Variants in DLGAP2 observed in about 807,000 individuals in gnomAD.
DLGAP2 encodes disks large-associated protein 2.
In DLGAP2, 26 loss-of-function variants were observed where a neutral mutation model predicts 100.3. The observed-to-expected ratio is 0.26, with a 90% CI of 0.19 to 0.36. The LOEUF (loss-of-function observed/expected upper bound fraction) is 0.36, where lower values mean the gene tolerates loss of function less well. Ranked by LOEUF, DLGAP2 falls within the 10% of genes least tolerant of loss-of-function variation. The pLI is 1.00. For missense variants in DLGAP2, 1,858 were observed against 1,453.2 expected (o/e 1.28, Z -4.53); for synonymous variants, 886 against 630.1 (o/e 1.41, Z -6.08).
chr8:1,066,804 C>T (rs1307604782), intron 2 of DLGAP2, among the ~76,000 whole-genome samples: 2 of 152,228 alleles, frequency 1.3e-5, no homozygotes, highest in African/African-American at 2.4e-5. Flanking sequence ...GCTTGTAGGG[C>T]AGGTCTTCAT....
intron 13 of DLGAP2, among the ~76,000 whole-genome samples, chr8:1,694,580 C>T (rs1467462152): frequency 6.6e-6 from 1 of 152,106 alleles, no homozygotes; most frequent in East Asian, 1.9e-4. Flanking sequence ...CTTGTGGGAC[C>T]AGCAGTTTGG....
chr8:1,345,200 G>A (rs1382587477), intron 3 of DLGAP2, among the ~76,000 whole-genome samples: 1 of 62,868 alleles, frequency 1.6e-5, no homozygotes, highest in Non-Finnish European at 3.9e-5. Flanking sequence ...GTAGAGTTCT[G>A]AGGAGCACTA....
At chr8:1,046,961 G>GA (rs1246933730) in intron 2 of DLGAP2, among the ~76,000 whole-genome samples, 36 of 35,944 alleles carry the variant, frequency 1.0e-3, no homozygotes, top group Non-Finnish European at 9.7e-4. Context: ...TAAAATAATA[G>GA]GTTTTTTTTA....
At chr8:1,470,899 C>G (rs367601748) in intron 3 of DLGAP2, among the ~76,000 whole-genome samples, 92 of 8,450 alleles carry the variant, frequency 0.011, 21 homozygotes, top group Admixed American at 0.028. Context: ...ACCCCTCCAG[C>G]CTTTCCCGAC....
At chr8:1,428,228 C>G (rs991140265) in intron 3 of DLGAP2, among the ~76,000 whole-genome samples, 6 of 151,622 alleles carry the variant, frequency 4.0e-5, no homozygotes, top group African/African-American at 1.2e-4. Context: ...AAATTTAAAG[C>G]CTATTAGAAA....
In DLGAP2 at chr8:1,445,733, A is replaced by G. The variant is rs1334470511; in HGVS notation, c.107-55633A>G. On this transcript the variant is annotated intron_variant, in intron 3 of 14. Coordinates refer to ENST00000637795, the MANE Select transcript of DLGAP2 (RefSeq NM_001346810.2). ...AGTGTAAAAGTGTTCCTATTTCTCC[A>G]CATCCTCTCCAGCACCTGTTGTTTC... Among the ~76,000 whole-genome samples, 4 of 152,166 alleles carry G rather than the reference A, an allele frequency of 2.6e-5. No homozygotes were observed. In the East Asian group the frequency reaches 7.7e-4, roughly 29 times the overall value.
In DLGAP2 at chr8:1,651,010, A is replaced by G. The variant is rs191084247; in HGVS notation, c.1811-17319A>G. ...TGTCTGCCTCCAGCATCTACCACCAAGAAAACCCCTGCTCAGCGGAATTTT... is the reference window on the plus strand; with the variant it reads ...TGTCTGCCTCCAGCATCTACCACCAGGAAAACCCCTGCTCAGCGGAATTTT... On this transcript the variant is annotated intron_variant, in intron 8 of 14. Transcript: ENST00000637795. Among the ~76,000 whole-genome samples the G allele has an allele frequency of 8.9e-4, 135 of 152,330 alleles. 2 individuals are homozygous for G. The South Asian group carries it at 0.01, about 11-fold the overall frequency.
intron 3 of DLGAP2, among the ~76,000 whole-genome samples, chr8:1,448,266 C>T (rs11781736): frequency 0.075 from 11,388 of 152,086 alleles, 672 homozygotes; most frequent in East Asian, 0.27. Flanking sequence ...GAATGTGTCC[C>T]AGAGATTCTG....
At chr8:886,831 G>A (rs547801282) in intron 1 of DLGAP2, among the ~76,000 whole-genome samples, 1 of 152,356 alleles carries the variant, frequency 6.6e-6, no homozygotes, top group South Asian at 2.1e-4. Context: ...GCACTGAGAA[G>A]AATGTATATT....
chr8:774,377 C>T (rs1256910860), intron 1 of DLGAP2, among the ~76,000 whole-genome samples: 2 of 152,178 alleles, frequency 1.3e-5, no homozygotes, highest in Non-Finnish European at 2.9e-5. Context: ...TCAATTTTGG[C>T]TTTTGTTGCC....
intron 4 of DLGAP2, among the ~76,000 whole-genome samples, chr8:1,535,768 G>A (rs1801135380): frequency 6.6e-6 from 1 of 152,188 alleles, no homozygotes; most frequent in African/African-American, 2.4e-5. Flanking sequence ...CTCCACTTAG[G>A]ACACATTGTT....
intron 11 of DLGAP2, 59 bp from the exon 12 acceptor site, chr8:1,678,155 T>C: frequency 6.5e-7 from 1 of 1,546,716 alleles, no homozygotes; most frequent in Non-Finnish European, 8.7e-7. Flanking sequence ...ATGTAGGACT[T>C]TGTTGCATGA....
At chr8:1,614,419 C>G (rs1184067067) in intron 6 of DLGAP2, among the ~76,000 whole-genome samples, 1 of 152,210 alleles carries the variant, frequency 6.6e-6, no homozygotes. Context: ...CAAGGGGTGC[C>G]GAGGTTGGAA....
chr8:1,380,747 G>A (rs1796072516), intron 3 of DLGAP2, among the ~76,000 whole-genome samples: 1 of 151,808 alleles, frequency 6.6e-6, no homozygotes, highest in Non-Finnish European at 1.5e-5. Flanking sequence ...CATGACTATT[G>A]GTATTAACTG....
At chr8:1,179,559 A>T (rs558818089) in intron 2 of DLGAP2, among the ~76,000 whole-genome samples, 204 of 152,348 alleles carry the variant, frequency 1.3e-3, no homozygotes, top group African/African-American at 4.7e-3. Context: ...TTTACTCAAG[A>T]CGGTGGAATT....
chr8:889,380 C>T (rs1163529407), intron 1 of DLGAP2, among the ~76,000 whole-genome samples: 1 of 152,152 alleles, frequency 6.6e-6, no homozygotes, highest in Non-Finnish European at 1.5e-5. Flanking sequence ...CTGGGTTCCT[C>T]AGAACTCCCA....
chr8:1,584,868 C>G (rs1362744715), intron 6 of DLGAP2, among the ~76,000 whole-genome samples: 2 of 152,140 alleles, frequency 1.3e-5, no homozygotes, highest in Non-Finnish European at 2.9e-5. Flanking sequence ...CATTGTTTCT[C>G]TAGTAAATTC....
chr8:1,325,473 G>C (rs1175023088), intron 3 of DLGAP2, among the ~76,000 whole-genome samples: 1 of 152,208 alleles, frequency 6.6e-6, no homozygotes, highest in Admixed American at 6.5e-5. Context: ...GCCTCCCATG[G>C]TTTCAAGATT....
intron 3 of DLGAP2, among the ~76,000 whole-genome samples, chr8:1,496,546 G>A (rs763210211): frequency 6.6e-6 from 1 of 152,114 alleles, no homozygotes; most frequent in African/African-American, 2.4e-5. Context: ...TTGTGACATT[G>A]AGACGACTCA....
Sources: allele counts gnomAD v4.1 joint callset (sites outside exome capture counted in the v4.1 genomes callset), GRCh38; gene constraint gnomAD v4.1.1; transcripts MANE v1.5; gene names NCBI Gene and HGNC (gene_info 2026-07-23, HGNC 2026-07-21).